ATE1: variants seen among roughly 807,000 people sequenced by gnomAD.
The protein encoded by ATE1 is arginyltransferase 1, also known as arginyl-tRNA--protein transferase 1.
In ATE1, 36 loss-of-function variants were observed where a neutral mutation model predicts 70.5. The ratio of observed to expected loss-of-function variants is 0.51; its 90% confidence interval spans 0.39 to 0.67. ATE1 has a LOEUF of 0.67. Ranked by LOEUF, ATE1 falls within the 30% of genes least tolerant of loss-of-function variation. ATE1 has a pLI of 0.00. For missense variants in ATE1, 593 were observed against 629.5 expected, an observed-to-expected ratio of 0.94 and a Z score of 0.62; for synonymous variants, 232 against 219.3, an observed-to-expected ratio of 1.06 and a Z score of -0.51.
At chr10:121,896,400 C>T (rs1371738613) in intron 7 of ATE1, among the ~76,000 whole-genome samples, 1 of 152,182 alleles carries the variant, frequency 6.6e-6, no homozygotes, top group Non-Finnish European at 1.5e-5. Flanking sequence ...ATAGATTAAA[C>T]AAGAATGGCA....
intron 7 of ATE1, among the ~76,000 whole-genome samples, chr10:121,870,605 A>C (rs1949820899): frequency 6.6e-6 from 1 of 152,146 alleles, no homozygotes. Context: ...TCTCAGTCCC[A>C]TATCCCTTTC....
chr10:121,848,414 C>T (rs1000104555), intron 8 of ATE1, among the ~76,000 whole-genome samples: 9 of 151,524 alleles, frequency 5.9e-5, no homozygotes, highest in East Asian at 2.0e-4. Flanking sequence ...GCAAGGAGTT[C>T]GAGACCAGCC....
intron 10 of ATE1, among the ~76,000 whole-genome samples, chr10:121,832,162 T>G (rs1948264543): frequency 6.6e-6 from 1 of 152,234 alleles, no homozygotes; most frequent in African/African-American, 2.4e-5. Flanking sequence ...TTCTGATCTC[T>G]GTGGCCTAGC....
intron 6 of ATE1, 139 bp from the exon 7 acceptor site, chr10:121,900,133 C>G: frequency 1.1e-6 from 1 of 919,780 alleles, no homozygotes; most frequent in African/African-American, 1.7e-5. Flanking sequence ...ATATTAAAAA[C>G]CAACCAGTTA....
chr10:121,911,020 T>G lies in ATE1; in HGVS notation c.469A>C (p.Asn157His). 1 of 1,614,080 alleles carries G rather than the reference T, an allele frequency of 6.2e-7. No homozygotes were observed. Among genetic ancestry groups the G allele is most frequent in the Non-Finnish European group, 8.5e-7 (1 of 1,180,026 alleles). ...IKESLESEGK[N>H]SKKEEPQELL... Reference sequence around the variant, plus strand: ...TCCTGAGGTTCTTCTTTCTTTGAATTTTTTCCTTCACTCTCTAAACTCTCT... The same window carrying G: ...TCCTGAGGTTCTTCTTTCTTTGAATGTTTTCCTTCACTCTCTAAACTCTCT... Residue 157 changes from asparagine to histidine, a missense_variant, in exon 5 of 12, where the codon AAT becomes CAT. This residue lies in a region of ATE1 where 467 missense variants were observed against 469.6 expected (regional missense o/e 0.99). Coordinates refer to ENST00000224652, the MANE Select transcript of ATE1 (RefSeq NM_001001976.3).
intron 11 of ATE1, among the ~76,000 whole-genome samples, chr10:121,789,418 C>T (rs1404994166): frequency 2.0e-5 from 3 of 151,694 alleles, no homozygotes; most frequent in African/African-American, 7.3e-5. Context: ...CCTGCCTCAG[C>T]CTCCTGACTA....
chr10:121,861,783 T>TA (rs1949483229), intron 8 of ATE1, among the ~76,000 whole-genome samples: 1 of 151,672 alleles, frequency 6.6e-6, no homozygotes, highest in African/African-American at 2.4e-5. Context: ...GGCTGCAACT[T>TA]ACACTGACTC....
At chr10:121,831,346 T>A (rs1234772390) in intron 10 of ATE1, among the ~76,000 whole-genome samples, 2 of 152,216 alleles carry the variant, frequency 1.3e-5, no homozygotes, top group African/African-American at 4.8e-5. Flanking sequence ...GCATATAAAC[T>A]TATTAATATT....
chr10:121,903,185 G>A (rs4317923), intron 5 of ATE1, among the ~76,000 whole-genome samples: 103,801 of 150,640 alleles, frequency 0.69, 38,675 homozygotes, highest in South Asian at 0.89. Flanking sequence ...CACCAGGCCC[G>A]GCCCAAATAT....
chr10:121,899,193 T>C (rs968317111), intron 7 of ATE1, among the ~76,000 whole-genome samples: 1 of 149,248 alleles, frequency 6.7e-6, no homozygotes, highest in African/African-American at 2.5e-5. Context: ...CAATTTGTTC[T>C]TTTTTTTTTC....
chr10:121,786,362 C>G, intron 11 of ATE1, among the ~76,000 whole-genome samples: 1 of 151,904 alleles, frequency 6.6e-6, no homozygotes, highest in Middle Eastern at 3.4e-3. Context: ...AAAATAATAA[C>G]GCTTTTCTGT....
chr10:121,924,699 CA>C (rs374852378), intron 1 of ATE1, among the ~76,000 whole-genome samples: 6,295 of 86,334 alleles, frequency 0.073, 124 homozygotes, highest in Non-Finnish European at 0.085. Flanking sequence ...GACTCCATCT[CA>C]AAAAAAAAAA....
At chr10:121,758,905 G>C (rs997016701) in intron 11 of ATE1, among the ~76,000 whole-genome samples, 1 of 152,134 alleles carries the variant, frequency 6.6e-6, no homozygotes, top group Admixed American at 6.5e-5. Context: ...TAAATGCTGT[G>C]TGTATTCTGA....
At chr10:121,789,111 G>C (rs555640909) in intron 11 of ATE1, among the ~76,000 whole-genome samples, 1 of 152,072 alleles carries the variant, frequency 6.6e-6, no homozygotes, top group African/African-American at 2.4e-5. Context: ...AGTAATAGGG[G>C]GCTGTTCTTA....
At chr10:121,833,230 C>T (rs532411992) in intron 10 of ATE1, among the ~76,000 whole-genome samples, 2 of 151,812 alleles carry the variant, frequency 1.3e-5, no homozygotes, top group East Asian at 1.9e-4. Context: ...GTTAGAACTG[C>T]GTATCTGTTA....
At chr10:121,919,306 A>C (rs530464949) in intron 3 of ATE1, among the ~76,000 whole-genome samples, 1 of 152,164 alleles carries the variant, frequency 6.6e-6, no homozygotes, top group Non-Finnish European at 1.5e-5. Flanking sequence ...CTCCAGATAC[A>C]CCAGCACTTT....
In ATE1 at chr10:121,790,149, G is replaced by A. The variant is rs1291505763; in HGVS notation, c.1378+20C>T. The A allele has an allele frequency of 1.9e-6, 3 of 1,613,576 alleles. No homozygotes were observed. Among genetic ancestry groups the A allele is most frequent in the Non-Finnish European group, 2.5e-6 (3 of 1,179,738 alleles). On this transcript the variant is annotated intron_variant, in intron 11 of 11. Coordinates refer to ENST00000224652, the MANE Select transcript of ATE1 (RefSeq NM_001001976.3). ...AAAACAAAGCCAATGATTTCCAGCT[G>A]AGCTCAGCTCCAAACATACCTGCTT...
intron 11 of ATE1, chr10:121,782,535 C>T (rs1476646108): frequency 1.3e-5 from 2 of 152,190 alleles, no homozygotes; most frequent in African/African-American, 4.8e-5. Flanking sequence ...TAACATCACA[C>T]AAATTTTTTA....
intron 11 of ATE1, among the ~76,000 whole-genome samples, chr10:121,776,426 A>C (rs970710673): frequency 2.6e-5 from 4 of 152,228 alleles, no homozygotes; most frequent in African/African-American, 9.6e-5. Context: ...ATAAGATGAT[A>C]CATGATAACC....
Sources: gnomAD v4.1 joint callset for allele counts (sites outside exome capture counted in the v4.1 genomes callset) on GRCh38, gnomAD v4.1.1 for gene constraint, gnomAD v4.1.1 regional missense constraint, MANE v1.5 for transcripts, NCBI Gene and HGNC (gene_info 2026-07-23, HGNC 2026-07-21) for gene names.